The following PRMT8 variants were observed in gnomAD, a reference collection of about 807,000 sequenced individuals.
The protein encoded by PRMT8 is protein arginine methyltransferase 8, also known as protein arginine N-methyltransferase 8.
PRMT8 carries 7 observed loss-of-function variants against 47.1 expected under a neutral mutation model. The observed-to-expected ratio is 0.15, with a 90% CI of 0.08 to 0.28. The LOEUF is 0.28. Among genes scored for constraint, PRMT8 ranks in the 10% least tolerant of loss-of-function variants. PRMT8 has a pLI of 1.00. For synonymous variants in PRMT8, 188 were observed against 186.5 expected (o/e 1.01, Z -0.07); for missense variants, 237 against 505.4 (o/e 0.47, Z 5.09).
intron 1 of PRMT8, among the ~76,000 whole-genome samples, chr12:3,451,706 G>A (rs1038501956): frequency 1.3e-5 from 2 of 152,170 alleles, no homozygotes; most frequent in African/African-American, 2.4e-5. Context: ...CGCTTAGGCC[G>A]CAGTGCTGTT....
At chr12:3,512,584 A>G (rs1250551727) in intron 1 of PRMT8, among the ~76,000 whole-genome samples, 1 of 152,026 alleles carries the variant, frequency 6.6e-6, no homozygotes, top group East Asian at 1.9e-4. Flanking sequence ...CCCTGCCCCA[A>G]TCTCAGATGA....
At chr12:3,428,715 T>C (rs1480781208) in intron 1 of PRMT8, among the ~76,000 whole-genome samples, 1 of 152,152 alleles carries the variant, frequency 6.6e-6, no homozygotes, top group Non-Finnish European at 1.5e-5. Context: ...TTTCTGTCTC[T>C]CTCTCTTTGA....
chr12:3,397,182 T>G (rs549531796), intron 1 of PRMT8, among the ~76,000 whole-genome samples: 82 of 152,028 alleles, frequency 5.4e-4, no homozygotes, highest in African/African-American at 1.9e-3. Flanking sequence ...CTTGGAGTAA[T>G]TTGATCGTCT....
At chr12:3,455,685 G>C (rs923811032) in intron 1 of PRMT8, among the ~76,000 whole-genome samples, 2 of 152,198 alleles carry the variant, frequency 1.3e-5, no homozygotes, top group Non-Finnish European at 2.9e-5. Context: ...TGGAGGGTCA[G>C]CGGGGGGTGG....
At position 3,481,230 on chromosome 12, in the gene PRMT8, G is replaced by C. The variant is rs76737179; in HGVS notation, c.49-59376G>C. 6.1e-3 allele frequency among the ~76,000 whole-genome samples: 926 copies of C among 152,310 alleles called. 13 individuals are homozygous for C. Among genetic ancestry groups the C allele is most frequent in the African/African-American group, 0.021 (878 of 41,556 alleles). ...CCAGCCCAGTGCTTTCTCTGTAACA[G>C]GTGCCCTCTCTCCTCCCCCAAGGCT... On this transcript the variant is annotated intron_variant, in intron 1 of 9. Transcript: ENST00000452611.
intron 1 of PRMT8, among the ~76,000 whole-genome samples, chr12:3,484,944 C>T (rs35963570): frequency 0.15 from 22,773 of 152,076 alleles, 1,800 homozygotes; most frequent in East Asian, 0.27. Flanking sequence ...CTACTAGGCA[C>T]TGGTATGGGC....
chr12:3,397,944 G>A (rs372961851), intron 1 of PRMT8, among the ~76,000 whole-genome samples: 34 of 152,326 alleles, frequency 2.2e-4, no homozygotes, highest in African/African-American at 8.2e-4. Flanking sequence ...TCGGAAAAGC[G>A]CAGTATTCGG....
chr12:3,440,021 G>C (rs1298104321), intron 1 of PRMT8, among the ~76,000 whole-genome samples: 1 of 152,174 alleles, frequency 6.6e-6, no homozygotes, highest in East Asian at 1.9e-4. Flanking sequence ...ACGGGAACTG[G>C]AGCAGGCTGC....
intron 1 of PRMT8, among the ~76,000 whole-genome samples, chr12:3,418,645 C>G (rs1864507745): frequency 1.3e-5 from 2 of 152,196 alleles, no homozygotes; most frequent in Non-Finnish European, 2.9e-5. Context: ...CTCTAGTTGT[C>G]AACTTTGACT....
rs138791385 is a variant in PRMT8 at position 3,443,679 on chromosome 12, C to T, written c.48+62237C>T. 1.3e-3 allele frequency among the ~76,000 whole-genome samples: 192 copies of T among 152,252 alleles called. 2 individuals carry two copies. The highest frequency in any genetic ancestry group is 4.2e-3 in the African/African-American group (174 of 41,542). ...CTGGAGTTATCTTTATGAAGTAAAT[C>T]GATCACATCATCCTCCTGGTTTAAA... On this transcript the variant is annotated intron_variant, in intron 1 of 9. Transcript: ENST00000452611.
At chr12:3,481,832 C>G (rs1186502816) in intron 1 of PRMT8, among the ~76,000 whole-genome samples, 1 of 152,178 alleles carries the variant, frequency 6.6e-6, no homozygotes, top group East Asian at 1.9e-4. Flanking sequence ...CCTCTTAGAT[C>G]CTTAGAAGCT....
At chr12:3,475,143 G>C (rs959893723) in intron 1 of PRMT8, among the ~76,000 whole-genome samples, 1 of 152,160 alleles carries the variant, frequency 6.6e-6, no homozygotes, top group African/African-American at 2.4e-5. Context: ...AACAGGAGGC[G>C]GCTGGGCCCT....
chr12:3,541,941 G>GT (rs1257162110), intron 2 of PRMT8, among the ~76,000 whole-genome samples: 1 of 152,060 alleles, frequency 6.6e-6, no homozygotes, highest in African/African-American at 2.4e-5. Context: ...TTTTGTGTGC[G>GT]TGTGTGCGTG....
At position 3,538,340 on chromosome 12, in the gene PRMT8, A is replaced by G. The variant is rs1866157699; in HGVS notation, c.76-2266A>G. On this transcript the variant is annotated intron_variant, in intron 1 of 9. Coordinates refer to ENST00000382622, the MANE Select transcript of PRMT8 (RefSeq NM_019854.5). This position sits in a 1 kb window ranked among gnomAD's most constrained non-coding sequence, Gnocchi z 4.6. ...AGAAAACAGGGTCCTGGGAGGGCAC[A>G]GTTCCCACACGTCTATTTCTTCCAC... 4.0e-6 allele frequency: 1 copy of G among 251,378 alleles called. No individual in the cohort carries two copies. The allele number at this position is 251,378 out of a possible 1,614,324, so 15.6% of individuals were successfully genotyped here.
chr12:3,506,678 T>G (rs933514542), intron 1 of PRMT8, among the ~76,000 whole-genome samples: 2 of 152,000 alleles, frequency 1.3e-5, no homozygotes, highest in Non-Finnish European at 2.9e-5. Context: ...TTCCTACAGG[T>G]GTGAGGGAAT....
intron 1 of PRMT8, among the ~76,000 whole-genome samples, chr12:3,397,228 G>A (rs369960028): frequency 7.5e-4 from 114 of 152,010 alleles, no homozygotes; most frequent in South Asian, 1.1e-3. Flanking sequence ...GTCATTCTCC[G>A]TCCAGCTTTG....
chr12:3,468,865 C>T (rs1398486199), intron 1 of PRMT8: 1 of 163,206 alleles, frequency 6.1e-6, no homozygotes, highest in African/African-American at 2.4e-5. Flanking sequence ...TGCTGTTTTG[C>T]ACGCACTTCT....
Position 3,550,420 on chromosome 12 carries a change from G to A in PRMT8, c.417+329G>A. On this transcript the variant is annotated intron_variant, in intron 3 of 9. Coordinates refer to ENST00000382622, the MANE Select transcript of PRMT8 (RefSeq NM_019854.5). The surrounding 1 kb of genome is among the most constrained non-coding windows in gnomAD (Gnocchi z 5.1). ...GCAGGTGGTTACTCGGGGGAGCTCT[G>A]GTTTGAATCTCTGCATTTCCATTCA... 1 of 282,078 alleles carries A rather than the reference G, an allele frequency of 3.5e-6. No homozygotes were observed. Among genetic ancestry groups the A allele is most frequent in the South Asian group, 6.9e-5 (1 of 14,406 alleles). The allele number at this position is 282,078 out of a possible 1,614,324, so 17.5% of individuals were successfully genotyped here.
chr12:3,520,717 T>G (rs1428753081), intron 1 of PRMT8, among the ~76,000 whole-genome samples: 1 of 152,206 alleles, frequency 6.6e-6, no homozygotes, highest in African/African-American at 2.4e-5. Context: ...TACTCAATAA[T>G]TGTTCAGCCC....
Sources: allele counts gnomAD v4.1 joint callset (sites outside exome capture counted in the v4.1 genomes callset), GRCh38; gene constraint gnomAD v4.1.1; non-coding constraint Gnocchi (gnomAD v3.1); transcripts MANE v1.5; gene names NCBI Gene and HGNC (gene_info 2026-07-23, HGNC 2026-07-21).